The following RMDN2 variants were observed in gnomAD, a reference collection of about 807,000 sequenced individuals.
RMDN2 encodes the protein regulator of microtubule dynamics 2.
Under a neutral mutation model 52.8 loss-of-function variants are expected in RMDN2, and 61 were observed. That is an observed-to-expected ratio of 1.16 (90% CI 0.94 to 1.43). The LOEUF is 1.43. RMDN2 is among the 40% of genes most tolerant of loss of function. The probability of loss-of-function intolerance (pLI) is 0.00; values close to 1 mark genes in which losing one functional copy is unlikely to be tolerated. For synonymous variants in RMDN2, 180 were observed against 153.1 expected, an observed-to-expected ratio of 1.18 and a Z score of -1.30; for missense variants, 592 against 475.3, an observed-to-expected ratio of 1.25 and a Z score of -2.28.
In RMDN2 at chr2:38,029,765, A is replaced by G. The variant is rs1680047089; in HGVS notation, c.1713+25549A>G. ...GGAAGCCTAGCAGATCAGGCACAAG[A>G]GATAGTGTATTAGTCCGTTTTCATG... On this transcript the variant is annotated intron_variant, in intron 10 of 10. Transcript: ENST00000234195. 1.3e-5 allele frequency: 2 copies of G among 152,146 alleles called. 1 individual carries two copies. The highest frequency in any genetic ancestry group is 4.2e-4 in the South Asian group (2 of 4,804). The allele number at this position is 152,146 out of a possible 1,614,324, so 9.4% of individuals were successfully genotyped here.
At chr2:38,061,460 C>A (rs1682044348) in intron 10 of RMDN2, among the ~76,000 whole-genome samples, 1 of 152,026 alleles carries the variant, frequency 6.6e-6, no homozygotes, top group Non-Finnish European at 1.5e-5. Flanking sequence ...TAATGAATTG[C>A]AACCCTCTTT....
intron 10 of RMDN2, among the ~76,000 whole-genome samples, chr2:38,009,485 C>T (rs953112362): frequency 1.3e-5 from 2 of 152,218 alleles, no homozygotes; most frequent in African/African-American, 4.8e-5. Flanking sequence ...GATACCCTTT[C>T]TTCCAGTTGA....
chr2:37,958,263 CT>C (rs1669744435), intron 2 of RMDN2, among the ~76,000 whole-genome samples: 1 of 152,106 alleles, frequency 6.6e-6, no homozygotes. Flanking sequence ...AATACTGATT[CT>C]TTGTATCCAT....
At chr2:38,047,472 T>C (rs1681342892) in intron 10 of RMDN2, among the ~76,000 whole-genome samples, 1 of 152,240 alleles carries the variant, frequency 6.6e-6, no homozygotes, top group South Asian at 2.1e-4. Flanking sequence ...ACAAAGTAGA[T>C]GACTCTTCCT....
chr2:37,940,221 CT>C (rs1437637466), intron 2 of RMDN2, among the ~76,000 whole-genome samples: 1 of 152,230 alleles, frequency 6.6e-6, no homozygotes, highest in Non-Finnish European at 1.5e-5. Context: ...CCACTCTCTT[CT>C]GGCTTGTAGA....
At chr2:37,968,041 A>C (rs181184527) in intron 2 of RMDN2, among the ~76,000 whole-genome samples, 14 of 152,238 alleles carry the variant, frequency 9.2e-5, no homozygotes, top group African/African-American at 2.9e-4. Context: ...AAGTCCCCTC[A>C]TACTTACCAA....
intron 10 of RMDN2, among the ~76,000 whole-genome samples, chr2:38,005,884 G>A (rs189836746): frequency 0.034 from 5,105 of 152,234 alleles, 285 homozygotes; most frequent in African/African-American, 0.12. Flanking sequence ...TTTGTATAAG[G>A]TGTAAGGAAG....
chr2:37,959,952 A>G (rs976064690), intron 2 of RMDN2, among the ~76,000 whole-genome samples: 4 of 143,770 alleles, frequency 2.8e-5, no homozygotes, highest in Admixed American at 2.0e-4. Flanking sequence ...GTAGTTGTGC[A>G]GTTTTGAGTG....
chr2:37,950,983 GT>G (rs1668705968), intron 2 of RMDN2, among the ~76,000 whole-genome samples: 1 of 151,932 alleles, frequency 6.6e-6, no homozygotes, highest in African/African-American at 2.4e-5. Context: ...TCTTCCCAAG[GT>G]TTAATAGAGT....
At chr2:37,972,469 G>C (rs1283375522) in intron 2 of RMDN2, among the ~76,000 whole-genome samples, 1 of 152,198 alleles carries the variant, frequency 6.6e-6, no homozygotes, top group Non-Finnish European at 1.5e-5. Flanking sequence ...AAGCAGGAAA[G>C]TGATAGAAGA....
intron 5 of RMDN2, among the ~76,000 whole-genome samples, chr2:37,984,036 T>C (rs1673666860): frequency 6.6e-6 from 1 of 152,176 alleles, no homozygotes; most frequent in South Asian, 2.1e-4. Context: ...TACAGTATTA[T>C]ATGATGGTTT....
intron 10 of RMDN2, among the ~76,000 whole-genome samples, chr2:38,022,870 T>C (rs1436830145): frequency 6.6e-6 from 1 of 152,210 alleles, no homozygotes; most frequent in African/African-American, 2.4e-5. Flanking sequence ...ATAAACAGTT[T>C]AAGCGTTGAT....
At chr2:38,008,717 A>G (rs1476715561) in intron 10 of RMDN2, among the ~76,000 whole-genome samples, 2 of 152,122 alleles carry the variant, frequency 1.3e-5, no homozygotes, top group South Asian at 2.1e-4. Context: ...TAAAGTTAAT[A>G]TTGTTATGTG....
chr2:37,984,268 G>A (rs979738635), intron 5 of RMDN2, among the ~76,000 whole-genome samples: 1 of 152,132 alleles, frequency 6.6e-6, no homozygotes, highest in Non-Finnish European at 1.5e-5. Context: ...AATACTCCTG[G>A]AATCAAGAGA....
rs988633166 is a variant in RMDN2 at position 37,932,043 on chromosome 2, A to AATTT, written c.452+2331_452+2334dup. ...TTTGAGAAAGGAATAAGATACAAAA[A>AATTT]ATTTATTTATTTATTTATTTTATTT... On this transcript the variant is annotated intron_variant, in intron 2 of 10. Coordinates refer to ENST00000354545, the MANE Select transcript of RMDN2 (RefSeq NM_001170791.3). Among the ~76,000 whole-genome samples, 205 of 152,112 alleles carry AATTT rather than the reference A, an allele frequency of 1.3e-3. 1 individual carries two copies. Among genetic ancestry groups the AATTT allele is most frequent in the African/African-American group, 4.3e-3 (180 of 41,514 alleles).
downstream of RMDN2, among the ~76,000 whole-genome samples, chr2:38,022,106 C>G (rs547017523): frequency 1.3e-5 from 2 of 152,246 alleles, no homozygotes; most frequent in African/African-American, 4.8e-5. Flanking sequence ...TATTTCGACT[C>G]CTTAATCTAG....
intron 10 of RMDN2, among the ~76,000 whole-genome samples, chr2:38,048,272 G>A (rs958918269): frequency 6.6e-6 from 1 of 152,172 alleles, no homozygotes; most frequent in Admixed American, 6.5e-5. Context: ...ATTTCCATTT[G>A]AGTGTATGCA....
At chr2:37,969,701 A>G (rs1671541114) in intron 2 of RMDN2, among the ~76,000 whole-genome samples, 2 of 152,178 alleles carry the variant, frequency 1.3e-5, no homozygotes, top group South Asian at 2.1e-4. Flanking sequence ...TTCCAGTACA[A>G]TGTTGAATAG....
intron 10 of RMDN2, among the ~76,000 whole-genome samples, chr2:38,006,737 C>T (rs973735977): frequency 1.3e-5 from 2 of 152,140 alleles, no homozygotes; most frequent in African/African-American, 4.8e-5. Context: ...ACTTCCAATA[C>T]TATGTTGAAT....
Sources: gnomAD v4.1 joint callset for allele counts (sites outside exome capture counted in the v4.1 genomes callset) on GRCh38, gnomAD v4.1.1 for gene constraint, MANE v1.5 for transcripts, NCBI Gene and HGNC (gene_info 2026-07-23, HGNC 2026-07-21) for gene names.